KRIT1: variants seen among roughly 807,000 people sequenced by gnomAD.
The protein encoded by KRIT1 is krev interaction trapped protein 1.
Under a neutral mutation model 95.8 loss-of-function variants are expected in KRIT1, and 45 were observed. The ratio of observed to expected loss-of-function variants is 0.47; its 90% CI spans 0.37 to 0.60. The LOEUF (loss-of-function observed/expected upper bound fraction) is 0.60. KRIT1 is among the 20% of genes least tolerant of loss of function. The probability of loss-of-function intolerance (pLI) is 0.00; values close to 1 mark genes in which losing one functional copy is unlikely to be tolerated. For missense variants in KRIT1, 788 were observed against 877.5 expected (o/e 0.90, Z 1.29); for synonymous variants, 282 against 278.8 (o/e 1.01, Z -0.11).
chr7:92,230,679 G>A (rs1376854686), intron 10 of KRIT1, among the ~76,000 whole-genome samples: 2 of 152,130 alleles, frequency 1.3e-5, no homozygotes, highest in African/African-American at 2.4e-5. Context: ...AAAGAAGAAA[G>A]TAGGTGTGGA....
At chr7:92,203,585 T>C (rs1225955260) in intron 17 of KRIT1, among the ~76,000 whole-genome samples, 1 of 152,240 alleles carries the variant, frequency 6.6e-6, no homozygotes, top group East Asian at 1.9e-4. Context: ...ACTCATTTAT[T>C]TGAATCCTGG....
At chr7:92,204,558 C>T (rs147342080) in intron 17 of KRIT1, among the ~76,000 whole-genome samples, 34 of 151,820 alleles carry the variant, frequency 2.2e-4, no homozygotes, top group African/African-American at 7.5e-4. Flanking sequence ...CTAGATGGTC[C>T]CATCTGGGGG....
intron 5 of KRIT1, among the ~76,000 whole-genome samples, chr7:92,239,502 CTG>C (rs1461314247): frequency 1.3e-5 from 2 of 152,112 alleles, no homozygotes; most frequent in African/African-American, 4.8e-5. Context: ...AAGTCCAAGA[CTG>C]AGGTAGATAA....
intron 10 of KRIT1, among the ~76,000 whole-genome samples, chr7:92,233,013 T>C (rs996261242): frequency 6.6e-6 from 1 of 152,242 alleles, no homozygotes; most frequent in Admixed American, 6.5e-5. Flanking sequence ...TCTTTTAGTA[T>C]TGTTTTTGCC....
In KRIT1 at chr7:92,221,991, C is replaced by A. The variant is rs767369480; in HGVS notation, c.1474G>T (p.Ala492Ser). 1 of 1,613,478 alleles carries A rather than the reference C, an allele frequency of 6.2e-7. No individual in the cohort carries two copies. Among genetic ancestry groups the A allele is most frequent in the Non-Finnish European group, 8.5e-7 (1 of 1,179,472 alleles). The change falls in exon 14 of 19, where the codon GCT becomes TCT. Residue 492 changes from alanine to serine, a missense_variant. Coordinates refer to ENST00000394505, the MANE Select transcript of KRIT1 (RefSeq NM_194454.3). ...QHVRDWPEIL[A>S]ELTNLDPQRE... ...TGAGGATCCAGATTAGTCAATTCAGCAAGTATTTCTGGCCAGTCACGAACA... is the reference window on the plus strand; with the variant it reads ...TGAGGATCCAGATTAGTCAATTCAGAAAGTATTTCTGGCCAGTCACGAACA...
At chr7:92,227,981 C>T (rs1000449073) in intron 10 of KRIT1, among the ~76,000 whole-genome samples, 9 of 151,944 alleles carry the variant, frequency 5.9e-5, no homozygotes, top group Admixed American at 3.3e-4. Flanking sequence ...CCATTGCACT[C>T]GAGGCTGGGT....
chr7:92,213,953 G>C lies in KRIT1; in HGVS notation c.1757C>G (p.Pro586Arg), dbSNP rs753491055. 6.2e-7 allele frequency: 1 copy of C among 1,609,136 alleles called. No individual in the cohort carries two copies. Among genetic ancestry groups the C allele is most frequent in the South Asian group, 1.1e-5 (1 of 90,946 alleles). Residue 586 changes from proline (P) to arginine (R), a missense_variant, in exon 16 of 19, where the codon CCT becomes CGT. This residue lies in a region of KRIT1 where 493 missense variants were observed against 582.3 expected (regional missense o/e 0.85). Transcript: ENST00000394505. ...TGCCTTACTTTTCAGTTTGGTAACA[G>C]GTACGATGGATTTTAGATTTTCTTC... ...LNEENLKSIV[P>R]VTKLKSKAPH...
chr7:92,218,172 C>T (rs1386208818), intron 14 of KRIT1, among the ~76,000 whole-genome samples: 1 of 152,144 alleles, frequency 6.6e-6, no homozygotes, highest in Non-Finnish European at 1.5e-5. Context: ...CTGTCTCACT[C>T]TCCTGAGTAG....
At chr7:92,241,993 A>G in intron 4 of KRIT1, 41 bp downstream of exon 4, 1 of 1,010,964 alleles carries the variant, frequency 9.9e-7, no homozygotes, top group African/African-American at 1.6e-5. Context: ...ATACAGAATG[A>G]CATTCAATGG....
At chr7:92,232,136 C>T (rs1009420798) in intron 10 of KRIT1, among the ~76,000 whole-genome samples, 1 of 152,060 alleles carries the variant, frequency 6.6e-6, no homozygotes, top group African/African-American at 2.4e-5. Flanking sequence ...TTCACCAGGG[C>T]AGGCTGGTCT....
chr7:92,201,732 G>C (rs1790203302), intron 17 of KRIT1, among the ~76,000 whole-genome samples: 1 of 149,788 alleles, frequency 6.7e-6, no homozygotes, highest in African/African-American at 2.5e-5. Context: ...TCCCCTCCCT[G>C]CGTCCAAGTA....
intron 10 of KRIT1, among the ~76,000 whole-genome samples, chr7:92,232,762 C>G (rs1457942481): frequency 6.6e-6 from 1 of 152,060 alleles, no homozygotes; most frequent in Non-Finnish European, 1.5e-5. Context: ...GGCGTGATCT[C>G]AGCTCACTGC....
intron 10 of KRIT1, among the ~76,000 whole-genome samples, chr7:92,234,110 C>T (rs1797900521): frequency 6.6e-6 from 1 of 152,174 alleles, no homozygotes; most frequent in Admixed American, 6.5e-5. Context: ...ATAAGCATAA[C>T]ATAATCCCAA....
At chr7:92,236,996 C>T (rs191091695) in intron 6 of KRIT1, among the ~76,000 whole-genome samples, 144 of 152,204 alleles carry the variant, frequency 9.5e-4, no homozygotes, top group African/African-American at 3.3e-3. Flanking sequence ...GATGCTAGTA[C>T]TCTATAGTTT....
chr7:92,241,190 A>G, intron 4 of KRIT1, 38 bp from the exon 5 acceptor site: 1 of 1,454,836 alleles, frequency 6.9e-7, no homozygotes, highest in Non-Finnish European at 9.6e-7. Flanking sequence ...GCTTAAAATA[A>G]AGTCTACTTG....
chr7:92,225,114 T>C (rs963732406), intron 12 of KRIT1, among the ~76,000 whole-genome samples: 1 of 151,966 alleles, frequency 6.6e-6, no homozygotes, highest in Non-Finnish European at 1.5e-5. Context: ...GATCGCGCCA[T>C]TGTATTCCAG....
intron 13 of KRIT1, 35 bp from the exon 14 acceptor site, chr7:92,222,088 TAA>T: frequency 6.4e-7 from 1 of 1,558,312 alleles, no homozygotes; most frequent in Non-Finnish European, 8.9e-7. Flanking sequence ...AATGATAATG[TAA>T]AAAGTCAATT....
chr7:92,221,309 C>T (rs1795092916), intron 14 of KRIT1, among the ~76,000 whole-genome samples: 1 of 152,048 alleles, frequency 6.6e-6, no homozygotes, highest in African/African-American at 2.4e-5. Context: ...TGTGGTGGCA[C>T]ACGCCTATAA....
chr7:92,217,185 A>G (rs1794170036), intron 14 of KRIT1, among the ~76,000 whole-genome samples: 1 of 152,218 alleles, frequency 6.6e-6, no homozygotes, highest in African/African-American at 2.4e-5. Flanking sequence ...AACTATTACA[A>G]TATTACTTGG....
Sources: gnomAD v4.1 joint callset for allele counts (sites outside exome capture counted in the v4.1 genomes callset) on GRCh38, gnomAD v4.1.1 for gene constraint, gnomAD v4.1.1 regional missense constraint, MANE v1.5 for transcripts, NCBI Gene and HGNC (gene_info 2026-07-23, HGNC 2026-07-21) for gene names.